TENM3: variants seen among roughly 807,000 people sequenced by gnomAD.
The protein encoded by TENM3 is teneurin-3.
A neutral mutation model predicts 255.1 loss-of-function variants in TENM3; 63 were observed. The ratio of observed to expected loss-of-function variants is 0.25; its 90% CI spans 0.20 to 0.30. The LOEUF (loss-of-function observed/expected upper bound fraction) is 0.30. Among genes scored for constraint, TENM3 ranks in the 10% least tolerant of loss-of-function variants. TENM3 has a pLI of 1.00. For synonymous variants in TENM3, 1,306 were observed against 1,322.3 expected (o/e 0.99, Z 0.27); for missense variants, 2,929 against 3,461.1 (o/e 0.85, Z 3.86).
chr4:181,548,152 C>T, the TENM3 span, among the ~76,000 whole-genome samples: 3 of 152,120 alleles, frequency 2.0e-5, no homozygotes. Context: ...ATTAAAAAGT[C>T]AGGAAACAAC....
At chr4:181,953,474 T>C in the TENM3 span, among the ~76,000 whole-genome samples, 1 of 152,110 alleles carries the variant, frequency 6.6e-6, no homozygotes, top group Non-Finnish European at 1.5e-5. Flanking sequence ...GCTGTCCTGC[T>C]ACATCGATGG....
At chr4:181,581,560 G>T in the TENM3 span, among the ~76,000 whole-genome samples, 4 of 152,050 alleles carry the variant, frequency 2.6e-5, no homozygotes, top group African/African-American at 9.7e-5. Context: ...GACCAAAGAA[G>T]ACCAAACTTT....
chr4:182,389,902 G>T (rs1768305060), intron 3 of TENM3, among the ~76,000 whole-genome samples: 2 of 151,998 alleles, frequency 1.3e-5, no homozygotes, highest in Admixed American at 1.3e-4. Flanking sequence ...GGCCAGGATG[G>T]TCTCCGTCTC....
At position 182,539,569 on chromosome 4, in the gene TENM3, A is replaced by T. The variant is rs1560893293; in HGVS notation, c.512-61355A>T. Among the ~76,000 whole-genome samples the T allele has an allele frequency of 1.3e-5, 2 of 152,196 alleles. 1 individual carries two copies. The highest frequency in any genetic ancestry group is 3.9e-4 in the East Asian group (2 of 5,182). On this transcript the variant is annotated intron_variant, in intron 3 of 27. Coordinates refer to ENST00000511685, the MANE Select transcript of TENM3 (RefSeq NM_001080477.4). ...TGCTCAAGTGCTATTCAGATGTAGA[A>T]GGAAGATATTGGATGTGTAAACCAG...
chr4:181,472,258 T>A, the TENM3 span, among the ~76,000 whole-genome samples: 3 of 152,124 alleles, frequency 2.0e-5, no homozygotes, highest in Admixed American at 1.3e-4. Context: ...TTGACAATGC[T>A]TGAGAGAGGA....
chr4:182,245,935 G>A (rs1316853875), intron 1 of TENM3, among the ~76,000 whole-genome samples: 3 of 152,112 alleles, frequency 2.0e-5, no homozygotes, highest in African/African-American at 7.2e-5. Context: ...ATTTGATACC[G>A]ATGTAACATT....
At chr4:182,267,767 ATACAAG>A (rs1759336150) in intron 1 of TENM3, among the ~76,000 whole-genome samples, 1 of 152,106 alleles carries the variant, frequency 6.6e-6, no homozygotes, top group South Asian at 2.1e-4. Context: ...GCTACACTTT[ATACAAG>A]TAATCATCCC....
chr4:182,157,166 C>T (rs1049154612), intron 1 of TENM3, among the ~76,000 whole-genome samples: 3 of 152,124 alleles, frequency 2.0e-5, no homozygotes, highest in African/African-American at 7.2e-5. Flanking sequence ...GCCTTAACTG[C>T]TAACAAATAA....
chr4:182,365,058 G>A (rs954230118), intron 3 of TENM3, among the ~76,000 whole-genome samples: 1 of 152,174 alleles, frequency 6.6e-6, no homozygotes, highest in African/African-American at 2.4e-5. Context: ...TTCCCCCAGG[G>A]CACTGACAGG....
chr4:181,586,336 G>A, the TENM3 span, among the ~76,000 whole-genome samples: 1 of 152,170 alleles, frequency 6.6e-6, no homozygotes, highest in Admixed American at 6.5e-5. Context: ...AATTCCACAG[G>A]TTCTGATCCT....
chr4:182,015,700 A>ACT, the TENM3 span, among the ~76,000 whole-genome samples: 410 of 152,038 alleles, frequency 2.7e-3, no homozygotes, highest in African/African-American at 9.4e-3. Flanking sequence ...AGCTGGGACT[A>ACT]CGGGCATGCA....
chr4:182,479,353 T>C (rs997475676), intron 3 of TENM3, among the ~76,000 whole-genome samples: 2 of 151,870 alleles, frequency 1.3e-5, no homozygotes, highest in Non-Finnish European at 2.9e-5. Flanking sequence ...AACTTACCTT[T>C]TTATTTATTT....
At chr4:181,957,521 A>T in the TENM3 span, among the ~76,000 whole-genome samples, 1 of 152,224 alleles carries the variant, frequency 6.6e-6, no homozygotes, top group Admixed American at 6.5e-5. Flanking sequence ...TTAAACTTGA[A>T]GCTTAATTTT....
At chr4:181,552,626 G>C in the TENM3 span, among the ~76,000 whole-genome samples, 1 of 152,118 alleles carries the variant, frequency 6.6e-6, no homozygotes, top group Non-Finnish European at 1.5e-5. Context: ...TGTAGCTTTA[G>C]CTTTGTATGT....
the TENM3 span, among the ~76,000 whole-genome samples, chr4:181,609,645 G>A: frequency 6.6e-6 from 1 of 152,218 alleles, no homozygotes. Context: ...CATATGTTGT[G>A]CATTTGGCCA....
chr4:181,908,760 A>AAGAT, the TENM3 span, among the ~76,000 whole-genome samples: 1 of 152,144 alleles, frequency 6.6e-6, no homozygotes, highest in Admixed American at 6.6e-5. Flanking sequence ...TTTGGAGTAA[A>AAGAT]AGATAGTGTT....
At chr4:181,607,205 C>A in the TENM3 span, among the ~76,000 whole-genome samples, 1 of 152,086 alleles carries the variant, frequency 6.6e-6, no homozygotes, top group East Asian at 1.9e-4. Flanking sequence ...TATTCCTGCA[C>A]ATATACTATC....
intron 6 of TENM3, among the ~76,000 whole-genome samples, chr4:182,655,596 T>A (rs1421186226): frequency 6.6e-6 from 1 of 152,170 alleles, no homozygotes; most frequent in Non-Finnish European, 1.5e-5. Context: ...ACTTTGTAAC[T>A]TTGGGCGGCG....
chr4:182,140,986 T>TCCCCCCCCC (rs199951374), upstream of TENM3, among the ~76,000 whole-genome samples: 2 of 115,648 alleles, frequency 1.7e-5, no homozygotes, highest in South Asian at 3.2e-4. Flanking sequence ...GCCCATTATA[T>TCCCCCCCCC]CCCTCCCCCC....
Sources: gnomAD v4.1 joint callset for allele counts (sites outside exome capture counted in the v4.1 genomes callset) on GRCh38, gnomAD v4.1.1 for gene constraint, MANE v1.5 for transcripts, NCBI Gene and HGNC (gene_info 2026-07-23, HGNC 2026-07-21) for gene names.